Variants in ATP10B observed in about 807,000 individuals in gnomAD.
ATP10B encodes the protein phospholipid-transporting ATPase VB.
ATP10B carries 122 observed loss-of-function variants against 141.2 expected under a neutral mutation model. The ratio of observed to expected loss-of-function variants is 0.86; its 90% CI spans 0.75 to 1.00. The LOEUF is 1.00. ATP10B is among the 50% of genes least tolerant of loss of function. ATP10B has a pLI of 0.00. For missense variants in ATP10B, 1,876 were observed against 1,825.3 expected (o/e 1.03, Z -0.51); for synonymous variants, 685 against 692.0 (o/e 0.99, Z 0.16).
intron 8 of ATP10B, 46 bp downstream of exon 8, chr5:160,649,125 C>A: frequency 7.4e-7 from 1 of 1,351,490 alleles, no homozygotes. Flanking sequence ...TATTTTCTAG[C>A]TGCAGCGGAG....
At chr5:160,888,864 A>G in the ATP10B span, among the ~76,000 whole-genome samples, 2 of 152,208 alleles carry the variant, frequency 1.3e-5, no homozygotes, top group Admixed American at 1.3e-4. Context: ...TTTGAGATAT[A>G]GATGTTACTG....
At chr5:160,695,924 T>C (rs1294687958) in intron 3 of ATP10B, among the ~76,000 whole-genome samples, 1 of 152,174 alleles carries the variant, frequency 6.6e-6, no homozygotes, top group South Asian at 2.1e-4. Flanking sequence ...AGATATCTAG[T>C]TAACAAATAA....
intron 2 of ATP10B, among the ~76,000 whole-genome samples, chr5:160,719,390 A>G (rs961640550): frequency 9.2e-5 from 14 of 152,088 alleles, no homozygotes; most frequent in African/African-American, 3.4e-4. Context: ...ACAGAGGGAG[A>G]CTCCGTCTCA....
chr5:160,825,192 C>T (rs932484852), intron 1 of ATP10B, among the ~76,000 whole-genome samples: 3 of 152,108 alleles, frequency 2.0e-5, no homozygotes, highest in Non-Finnish European at 4.4e-5. Flanking sequence ...GCACATGTCT[C>T]GCATGTAATA....
intron 24 of ATP10B, among the ~76,000 whole-genome samples, chr5:160,572,840 G>A (rs570061664): frequency 9.7e-4 from 147 of 152,224 alleles, no homozygotes; most frequent in African/African-American, 3.4e-3. Flanking sequence ...CAGCTTCATC[G>A]GTTTTAACCT....
chr5:160,824,692 G>A (rs1774440163), intron 1 of ATP10B, among the ~76,000 whole-genome samples: 1 of 150,518 alleles, frequency 6.6e-6, no homozygotes, highest in Non-Finnish European at 1.5e-5. Flanking sequence ...ATGGTTAAGT[G>A]TTTGTATATC....
At chr5:160,848,962 G>A (rs1753622472) in intron 1 of ATP10B, among the ~76,000 whole-genome samples, 1 of 152,156 alleles carries the variant, frequency 6.6e-6, no homozygotes, top group Admixed American at 6.5e-5. Flanking sequence ...CATGGTTCTG[G>A]AACTCCATCA....
At chr5:160,808,206 C>T (rs1248998969) in intron 1 of ATP10B, among the ~76,000 whole-genome samples, 1 of 152,068 alleles carries the variant, frequency 6.6e-6, no homozygotes, top group Non-Finnish European at 1.5e-5. Context: ...GGTAAATCTT[C>T]TAAGGTGTGA....
chr5:160,717,249 A>T (rs1020507217), intron 2 of ATP10B, among the ~76,000 whole-genome samples: 5 of 152,372 alleles, frequency 3.3e-5, no homozygotes, highest in East Asian at 1.9e-4. Context: ...TTGGAGGAGA[A>T]TACACAATAA....
the ATP10B span, among the ~76,000 whole-genome samples, chr5:160,908,338 G>A: frequency 3.9e-5 from 6 of 152,008 alleles, no homozygotes; most frequent in African/African-American, 1.2e-4. Flanking sequence ...AATGAAATAA[G>A]CACACAAGAT....
chr5:160,912,109 G>T, the ATP10B span, among the ~76,000 whole-genome samples: 1 of 152,062 alleles, frequency 6.6e-6, no homozygotes, highest in African/African-American at 2.4e-5. Context: ...AGTGGCTGTG[G>T]GTGGAAAGGG....
intron 1 of ATP10B, among the ~76,000 whole-genome samples, chr5:160,792,143 G>T (rs1315816381): frequency 1.3e-5 from 2 of 151,984 alleles, no homozygotes; most frequent in Non-Finnish European, 2.9e-5. Flanking sequence ...CATAAACTGG[G>T]TTCTATGTAC....
intron 6 of ATP10B, among the ~76,000 whole-genome samples, chr5:160,670,963 G>C (rs1216336873): frequency 6.6e-6 from 1 of 151,808 alleles, no homozygotes; most frequent in East Asian, 1.9e-4. Flanking sequence ...TCAGGAGTTC[G>C]AGACCAGCCT....
chr5:160,764,257 C>T (rs1769247437), intron 2 of ATP10B, among the ~76,000 whole-genome samples: 1 of 151,360 alleles, frequency 6.6e-6, no homozygotes, highest in South Asian at 2.1e-4. Context: ...ATAACAACAA[C>T]AACAACAAAA....
intron 2 of ATP10B, among the ~76,000 whole-genome samples, chr5:160,739,824 T>A (rs72818574): frequency 6.8e-6 from 1 of 146,884 alleles, no homozygotes; most frequent in Non-Finnish European, 1.5e-5. Context: ...GTTTTTGTTT[T>A]TTAAAATTGT....
In ATP10B at chr5:160,715,079, C is replaced by G. The variant is rs1466931979; in HGVS notation, c.-205+1830G>C. On this transcript the variant is annotated intron_variant, in intron 3 of 25. Coordinates refer to ENST00000327245, the MANE Select transcript of ATP10B (RefSeq NM_025153.3). ...ACTGCTGTCTTTTTGTTTGTCTGTG[C>G]CCTGCCCCCAGAGGTGGAGCCTACA... Among the ~76,000 whole-genome samples, 23 of 145,212 alleles carry G rather than the reference C, an allele frequency of 1.6e-4. No individual in the cohort carries two copies. In the East Asian group the frequency reaches 4.6e-3, roughly 29 times the overall value.
At chr5:160,767,021 C>T (rs1769495414) in intron 2 of ATP10B, among the ~76,000 whole-genome samples, 1 of 151,252 alleles carries the variant, frequency 6.6e-6, no homozygotes, top group African/African-American at 2.4e-5. Context: ...TCAGGGATGT[C>T]AAATCTTTTG....
chr5:160,681,996 T>G (rs1763428843), intron 6 of ATP10B, among the ~76,000 whole-genome samples: 1 of 152,210 alleles, frequency 6.6e-6, no homozygotes, highest in Non-Finnish European at 1.5e-5. Context: ...CATTCCCTAT[T>G]GCCTCCTAAC....
chr5:160,589,261 C>T (rs896566852), intron 24 of ATP10B, among the ~76,000 whole-genome samples: 2 of 152,178 alleles, frequency 1.3e-5, no homozygotes, highest in African/African-American at 2.4e-5. Context: ...ATCTGTCCAC[C>T]TCGGCCTCCC....
Sources: allele counts gnomAD v4.1 joint callset (sites outside exome capture counted in the v4.1 genomes callset), GRCh38; gene constraint gnomAD v4.1.1; transcripts MANE v1.5; gene names NCBI Gene and HGNC (gene_info 2026-07-23, HGNC 2026-07-21).